Variants in SLC28A2 observed in about 807,000 individuals in gnomAD.
The protein encoded by SLC28A2 is sodium/nucleoside cotransporter 2.
Under a neutral mutation model 72.9 loss-of-function variants are expected in SLC28A2, and 69 were observed. The observed-to-expected ratio is 0.95, with a 90% confidence interval of 0.78 to 1.16. The LOEUF (loss-of-function observed/expected upper bound fraction) is 1.16. SLC28A2 is among the 50% of genes most tolerant of loss of function. SLC28A2 has a pLI of 0.00. For synonymous variants in SLC28A2, 296 were observed against 294.1 expected, an observed-to-expected ratio of 1.01 and a Z score of -0.07; for missense variants, 745 against 791.1, an observed-to-expected ratio of 0.94 and a Z score of 0.70.
intron 15 of SLC28A2, chr15:45,271,987 T>A (rs1271483518): frequency 2.8e-5 from 8 of 286,780 alleles, no homozygotes; most frequent in Non-Finnish European, 5.2e-5. Flanking sequence ...CAGGCATTTG[T>A]ACCTGTCTGG....
In SLC28A2 at chr15:45,272,749, T is replaced by C. The variant is rs745942775; in HGVS notation, c.1824T>C (p.Tyr608=). 1.2e-6 allele frequency: 2 copies of C among 1,611,956 alleles called. No individual in the cohort carries two copies. The highest frequency in any genetic ancestry group is 1.7e-6 in the Non-Finnish European group (2 of 1,178,024). ...ACACAAGTTTCACCAATAGAACCTA[T>C]GAGACCTACATGTGCTGCAGAGGGC... The part of the protein sequence containing the change: ...FPNTSFTNRT[Y]ETYMCCRGLF... Residue 608 remains tyrosine (Y), a synonymous_variant, in exon 17 of 18, where the codon TAT becomes TAC. Coordinates refer to ENST00000347644, the MANE Select transcript of SLC28A2 (RefSeq NM_004212.4).
chr15:45,265,943 GT>G, intron 9 of SLC28A2, 137 bp from the exon 10 acceptor site: 7 of 687,070 alleles, frequency 1.0e-5, no homozygotes, highest in Admixed American at 2.7e-5. Context: ...TTCTAAGTTG[GT>G]TTTTGGCCCT....
At chr15:45,264,810 C>T (rs376788894) in intron 7 of SLC28A2, 42 bp downstream of exon 7, 433 of 1,215,036 alleles carry the variant, frequency 3.6e-4, no homozygotes, top group Non-Finnish European at 4.4e-4. Flanking sequence ...TTTTAGAACC[C>T]TAGAGAAAGG....
In SLC28A2 at chr15:45,263,068, T is replaced by G; in HGVS notation, c.270T>G (p.Ala90=). ...ILLGLLCLAY[A]AYLLAACILN... is the part of the protein sequence containing the mutation. ...TGCTTCTTCTCTTTTTAGCCTATGC[T>G]GCCTATCTCCTGGCAGCTTGCATCT... The change falls in exon 5 of 18, where the codon GCT becomes GCG. Residue 90 remains alanine, a synonymous_variant. Transcript: ENST00000347644. 6.2e-7 allele frequency: 1 copy of G among 1,613,020 alleles called. No homozygotes were observed. The highest frequency in any genetic ancestry group is 8.5e-7 in the Non-Finnish European group (1 of 1,179,626).
intron 9 of SLC28A2, 75 bp from the exon 10 acceptor site, chr15:45,266,003 TGGA>T (rs1900321996): frequency 1.9e-5 from 20 of 1,039,970 alleles, no homozygotes; most frequent in Non-Finnish European, 2.8e-5. Flanking sequence ...ATCAGTAAAG[TGGA>T]GGAGGAGGAG....
At chr15:45,274,659 A>G (rs932092000) in intron 17 of SLC28A2, among the ~76,000 whole-genome samples, 1 of 152,206 alleles carries the variant, frequency 6.6e-6, no homozygotes, top group African/African-American at 2.4e-5. Context: ...AAGGCAACTA[A>G]CATATTTTTT....
At chr15:45,267,339 G>A in intron 10 of SLC28A2, 116 bp from the exon 11 acceptor site, 2 of 1,129,852 alleles carry the variant, frequency 1.8e-6, no homozygotes. Flanking sequence ...TCACTTAACA[G>A]TGCTCACACT....
intron 4 of SLC28A2, 89 bp downstream of exon 4, chr15:45,262,195 T>C (rs1900183997): frequency 1.1e-6 from 1 of 879,606 alleles, no homozygotes; most frequent in East Asian, 2.4e-5. Context: ...GGAAGGCATT[T>C]TTATTCAAAA....
In SLC28A2 at chr15:45,269,454, T is replaced by C; in HGVS notation, c.1485T>C (p.Ala495=). ...GIKFFINEFV[A]YQQLSQYKNK... ...AGTTCTTCATAAATGAGTTTGTGGC[T>C]TATCAGCAACTGTCTCAATACAAGA... is the stretch of plus-strand genomic sequence containing the variant. The change falls in exon 14 of 18, where the codon GCT becomes GCC. Residue 495 remains alanine (A), a synonymous_variant. Coordinates refer to ENST00000347644, the MANE Select transcript of SLC28A2 (RefSeq NM_004212.4). 1 of 1,614,156 alleles carries C rather than the reference T, an allele frequency of 6.2e-7. No individual in the cohort carries two copies.
intron 4 of SLC28A2, 105 bp downstream of exon 4, chr15:45,262,211 CTAAAAAGCTATTTGATG>C (rs1328869019): frequency 1.3e-6 from 1 of 741,462 alleles, no homozygotes; most frequent in Non-Finnish European, 2.4e-6. Context: ...CAAAACTGAT[CTAAAAAGCTATTTGATG>C]TATCAATCTT....
Position 45,272,773 on chromosome 15 carries a change from GCT to G in SLC28A2, c.1851_1852del (p.Phe618SerfsTer20). The G allele has an allele frequency of 6.3e-7, 1 of 1,593,104 alleles. No homozygotes were observed. Among genetic ancestry groups the G allele is most frequent in the Non-Finnish European group, 8.6e-7 (1 of 1,160,838 alleles). ...ATGAGACCTACATGTGCTGCAGAGG[GCT>G]CTTTCAGAGGTGAGCACCAGGACCC... ...TYETYMCCRG[L>X]FQSTSLNGTN... On this transcript the variant is annotated frameshift_variant, in exon 17 of 18. Transcript: ENST00000347644. LOFTEE classifies it high-confidence loss of function.
At chr15:45,259,339 T>A (rs1900076002) in intron 3 of SLC28A2, among the ~76,000 whole-genome samples, 1 of 152,196 alleles carries the variant, frequency 6.6e-6, no homozygotes, top group African/African-American at 2.4e-5. Flanking sequence ...GTCAATTTTA[T>A]TTTAAATTTT....
chr15:45,271,434 A>G (rs556829829), intron 15 of SLC28A2, among the ~76,000 whole-genome samples: 1 of 152,254 alleles, frequency 6.6e-6, no homozygotes, highest in Non-Finnish European at 1.5e-5. Context: ...ATATTTGCAC[A>G]TATGCCTGTA....
At chr15:45,267,033 G>C (rs1461977595) in intron 10 of SLC28A2, among the ~76,000 whole-genome samples, 2 of 152,124 alleles carry the variant, frequency 1.3e-5, no homozygotes, top group Non-Finnish European at 2.9e-5. Flanking sequence ...CAGGGGGTTT[G>C]GATCATCTAT....
At chr15:45,258,085 T>C (rs1386360711) in intron 3 of SLC28A2, among the ~76,000 whole-genome samples, 1 of 152,094 alleles carries the variant, frequency 6.6e-6, no homozygotes, top group African/African-American at 2.4e-5. Context: ...TATGTGGGCA[T>C]GGTGGTGGGC....
intron 10 of SLC28A2, among the ~76,000 whole-genome samples, chr15:45,266,698 C>T (rs144448886): frequency 1.3e-5 from 2 of 152,316 alleles, no homozygotes; most frequent in Admixed American, 6.5e-5. Flanking sequence ...GGAGTTAGTA[C>T]TGAGGTCTTT....
intron 3 of SLC28A2, among the ~76,000 whole-genome samples, chr15:45,254,897 G>A (rs987507826): frequency 6.6e-6 from 1 of 152,188 alleles, no homozygotes; most frequent in Non-Finnish European, 1.5e-5. Context: ...CAGTGTGGCC[G>A]TTAATCATGT....
intron 17 of SLC28A2, among the ~76,000 whole-genome samples, chr15:45,274,698 A>G (rs1472351626): frequency 6.6e-6 from 1 of 151,748 alleles, no homozygotes; most frequent in Non-Finnish European, 1.5e-5. Flanking sequence ...ACTATTAAAG[A>G]TGAGGTATGA....
At chr15:45,258,293 G>A (rs1401523047) in intron 3 of SLC28A2, among the ~76,000 whole-genome samples, 2 of 151,118 alleles carry the variant, frequency 1.3e-5, no homozygotes, top group South Asian at 4.2e-4. Flanking sequence ...TATGTTTTTG[G>A]GACTGCATGC....
Sources: allele counts gnomAD v4.1 joint callset (sites outside exome capture counted in the v4.1 genomes callset), GRCh38; gene constraint gnomAD v4.1.1; transcripts MANE v1.5; gene names NCBI Gene and HGNC (gene_info 2026-07-23, HGNC 2026-07-21).